MEIOB: variants seen among roughly 807,000 people sequenced by gnomAD.
MEIOB encodes meiosis-specific with OB domain-containing protein.
In MEIOB, 50 loss-of-function variants were observed where a neutral mutation model predicts 53.1. The ratio of observed to expected loss-of-function variants is 0.94; its 90% CI spans 0.75 to 1.19. The LOEUF (loss-of-function observed/expected upper bound fraction) is 1.19. Among genes scored for constraint, MEIOB ranks in the 50% most tolerant of loss-of-function variants. The probability of loss-of-function intolerance (pLI) is 0.00; values close to 1 mark genes in which losing one functional copy is unlikely to be tolerated. For missense variants in MEIOB, 551 were observed against 550.8 expected (o/e 1.00, Z 0.00); for synonymous variants, 192 against 182.5 (o/e 1.05, Z -0.42).
In MEIOB at chr16:1,837,847, T is replaced by C; in HGVS notation, c.1242A>G (p.Thr414=). The C allele has an allele frequency of 6.5e-7, 1 of 1,535,166 alleles. No homozygotes were observed. Among genetic ancestry groups the C allele is most frequent in the Non-Finnish European group, 8.8e-7 (1 of 1,140,316 alleles). Residue 414 remains threonine, a synonymous_variant, in exon 13 of 14, where the codon ACA becomes ACG. Coordinates refer to ENST00000325962, the MANE Select transcript of MEIOB (RefSeq NM_001163560.3). ...GCTVHEFLAM[T]DEQKTALKWQ... ...ACTTTAATGCTGTTTTCTGTTCATC[T>C]GTCATTGCAAGAAACTCATGTACCT...
chr16:1,854,572 CAT>C (rs1444050819), intron 6 of MEIOB, among the ~76,000 whole-genome samples: 1 of 152,208 alleles, frequency 6.6e-6, no homozygotes, highest in Non-Finnish European at 1.5e-5. Flanking sequence ...GCGTGGAACT[CAT>C]GTGACTGAAT....
intron 3 of MEIOB, 106 bp downstream of exon 3, chr16:1,865,672 T>C: frequency 1.3e-6 from 1 of 772,450 alleles, no homozygotes; most frequent in South Asian, 1.8e-5. Context: ...CCATTGCTCT[T>C]AAGGAGTTAA....
chr16:1,838,128 G>C (rs780340817), intron 12 of MEIOB: 101 of 602,066 alleles, frequency 1.7e-4, no homozygotes, highest in Non-Finnish European at 2.6e-4. Context: ...CGTTTCTGAG[G>C]TTACAGGTAT....
intron 10 of MEIOB, 80 bp from the exon 11 acceptor site, chr16:1,842,053 C>A: frequency 1.0e-6 from 1 of 963,240 alleles, no homozygotes; most frequent in Non-Finnish European, 1.4e-6. Context: ...AAAGCTATGA[C>A]AAATGAGAAC....
intron 3 of MEIOB, among the ~76,000 whole-genome samples, chr16:1,863,032 CA>C (rs1899486550): frequency 6.6e-6 from 1 of 152,050 alleles, no homozygotes; most frequent in Admixed American, 6.6e-5. Flanking sequence ...AGTTCAAAAC[CA>C]GCCTGGGCAA....
At chr16:1,871,572 C>T (rs1301223772) in intron 1 of MEIOB, among the ~76,000 whole-genome samples, 4 of 126,678 alleles carry the variant, frequency 3.2e-5, no homozygotes, top group Middle Eastern at 5.6e-3. Flanking sequence ...TTGCCCAGAC[C>T]GGAGTGCAAT....
intron 3 of MEIOB, 39 bp from the exon 4 acceptor site, chr16:1,862,155 G>A (rs1175114916): frequency 1.3e-6 from 2 of 1,510,770 alleles, no homozygotes; most frequent in Non-Finnish European, 1.8e-6. Flanking sequence ...CAAATGAAGA[G>A]TTTCAATCGC....
At position 1,871,519 on chromosome 16, in the gene MEIOB, C is replaced by CTTTTTTTT. The variant is rs71148106; in HGVS notation, c.-10+466_-10+473dup. On this transcript the variant is annotated intron_variant, in intron 1 of 13. Coordinates refer to ENST00000325962, the MANE Select transcript of MEIOB (RefSeq NM_001163560.3). Reference sequence around the variant, plus strand: ...CAGGCTTGAGCCACCGCGCCCGGCCCTTTTTTTTTTTTTTTTTTTTTTTTT... The same window carrying CTTTTTTTT: ...CAGGCTTGAGCCACCGCGCCCGGCCCTTTTTTTTTTTTTTTTTTTTTTTTTTTTTTTTT... Among the ~76,000 whole-genome samples, 7 of 39,780 alleles carry CTTTTTTTT rather than the reference C, an allele frequency of 1.8e-4. 1 individual carries two copies. The highest frequency in any genetic ancestry group is 2.2e-4 in the Non-Finnish European group (5 of 22,506). The allele number at this position is 39,780 out of a possible 152,430, so 26.1% of individuals were successfully genotyped here.
At chr16:1,841,644 A>C (rs543441620) in intron 11 of MEIOB, among the ~76,000 whole-genome samples, 176 bp downstream of exon 11, 1 of 152,364 alleles carries the variant, frequency 6.6e-6, no homozygotes, top group Non-Finnish European at 1.5e-5. Context: ...GGCAATTATA[A>C]TATTTTAATC....
rs1898789442 is a variant in MEIOB, at chr16:1,837,799, G to A, written c.1290C>T (p.Ser430=). ...ATGCACTAACTTTTAAATAAATTTT[G>A]CTTCTTTCCAAGAGAAATTGCCACT... The part of the protein sequence containing the change: ...ALKWQFLLER[S]KIYLKFVLSH... The change falls in exon 13 of 14, where the codon AGC becomes AGT. Residue 430 remains serine, a synonymous_variant. Coordinates refer to ENST00000325962, the MANE Select transcript of MEIOB (RefSeq NM_001163560.3). 2 of 1,521,382 alleles carry A rather than the reference G, an allele frequency of 1.3e-6. No individual in the cohort carries two copies. The highest frequency in any genetic ancestry group is 2.5e-5 in the South Asian group (2 of 80,648). The allele number at this position is 1,521,382 out of a possible 1,614,324, so 94.2% of individuals were successfully genotyped here.
intron 13 of MEIOB, among the ~76,000 whole-genome samples, chr16:1,835,197 G>C (rs973130487): frequency 1.7e-4 from 26 of 152,022 alleles, no homozygotes; most frequent in Non-Finnish European, 2.2e-4. Context: ...TGAGGCTGCA[G>C]TAAGCTGTGA....
intron 6 of MEIOB, among the ~76,000 whole-genome samples, chr16:1,856,493 G>A (rs1369489665): frequency 2.6e-5 from 4 of 152,012 alleles, no homozygotes; most frequent in African/African-American, 9.7e-5. Flanking sequence ...CTAATTTTTT[G>A]TATTTTTAGT....
chr16:1,836,250 G>GA (rs1567271305), intron 13 of MEIOB, among the ~76,000 whole-genome samples: 1 of 152,132 alleles, frequency 6.6e-6, no homozygotes, highest in Non-Finnish European at 1.5e-5. Flanking sequence ...CCTAATGCAC[G>GA]AAGCAGCTTG....
intron 1 of MEIOB, among the ~76,000 whole-genome samples, chr16:1,871,355 G>A (rs1297024770): frequency 1.5e-4 from 15 of 96,954 alleles, no homozygotes; most frequent in African/African-American, 6.0e-4. Flanking sequence ...GAGTAGCTGG[G>A]ACTACAGGCA....
chr16:1,867,001 T>A (rs1346540651), intron 2 of MEIOB, among the ~76,000 whole-genome samples: 1 of 152,186 alleles, frequency 6.6e-6, no homozygotes, highest in African/African-American at 2.4e-5. Flanking sequence ...AAATGTTGAG[T>A]AAAACTTTCT....
chr16:1,834,429 T>C (rs980211389), intron 13 of MEIOB, 63 bp from the exon 14 acceptor site: 1 of 877,164 alleles, frequency 1.1e-6, no homozygotes, highest in South Asian at 1.5e-5. Flanking sequence ...GTATATCAAG[T>C]TGAAAAATCA....
At chr16:1,840,230 CTA>C (rs1016621073) in intron 11 of MEIOB, 13 of 152,074 alleles carry the variant, frequency 8.5e-5, no homozygotes, top group African/African-American at 3.1e-4. Flanking sequence ...TTTTTGAAAA[CTA>C]TTTTTCAAAA....
At position 1,853,257 on chromosome 16, in the gene MEIOB, G is replaced by C; in HGVS notation, c.644C>G (p.Ser215Cys). ...SFAMTCWDNE[S>C]ILLAQSWMPR... ...CATCCAGCTCTGTGCAAGTAGAATG[G>C]ATTCATTATCCCAACTGCATTTGTT... The change falls in exon 8 of 14, where the codon TCC (serine) becomes TGC (cysteine). Residue 215 changes from serine (S) to cysteine (C), a missense_variant. Transcript: ENST00000325962. 1 of 1,549,916 alleles carries C rather than the reference G, an allele frequency of 6.5e-7. No homozygotes were observed.
Position 1,865,442 on chromosome 16 carries a change from AG to A in MEIOB, c.127+335del, listed in dbSNP as rs541506320. 6.3e-3 allele frequency among the ~76,000 whole-genome samples: 934 copies of A among 148,842 alleles called. 13 individuals carry two copies. Among genetic ancestry groups the A allele is most frequent in the African/African-American group, 0.022 (907 of 40,884 alleles). ...GCGAGCCTCCATCTCAAAAAAAAAA[AG>A]AGAGAACACATGTACTCAAATATAC... On this transcript the variant is annotated intron_variant, in intron 3 of 13. Transcript: ENST00000325962.
Sources: gnomAD v4.1 joint callset for allele counts (sites outside exome capture counted in the v4.1 genomes callset) on GRCh38, gnomAD v4.1.1 for gene constraint, MANE v1.5 for transcripts, NCBI Gene and HGNC (gene_info 2026-07-23, HGNC 2026-07-21) for gene names.